The following SLCO3A1 variants were observed in gnomAD, a reference collection of about 807,000 sequenced individuals.
SLCO3A1 encodes the protein PGE1 transporter.
SLCO3A1 carries 27 observed loss-of-function variants against 63.1 expected under a neutral mutation model. The observed-to-expected ratio is 0.43, with a 90% CI of 0.32 to 0.59. The LOEUF (loss-of-function observed/expected upper bound fraction) is 0.59. SLCO3A1 is among the 20% of genes least tolerant of loss of function. SLCO3A1 has a pLI of 0.09. For missense variants in SLCO3A1, 773 were observed against 945.8 expected, an observed-to-expected ratio of 0.82 and a Z score of 2.40; for synonymous variants, 473 against 409.9, an observed-to-expected ratio of 1.15 and a Z score of -1.86.
rs1349108132 is a variant in SLCO3A1 at position 91,894,701 on chromosome 15, T to A, written c.181-21292T>A. Among the ~76,000 whole-genome samples, 3 of 152,320 alleles carry A rather than the reference T, an allele frequency of 2.0e-5. No homozygotes were observed. In the East Asian group the frequency reaches 5.8e-4, roughly 29 times the overall value. ...AATGTAGAATTTGACTCTGTGGGTC[T>A]GGGGCAGGGTCTGAGATTTTTGAAT... On this transcript the variant is annotated intron_variant, in intron 1 of 9. Coordinates refer to ENST00000318445, the MANE Select transcript of SLCO3A1 (RefSeq NM_013272.4). The surrounding 1 kb of genome is among the most constrained non-coding windows in gnomAD (Gnocchi z 4.8).
intron 2 of SLCO3A1, among the ~76,000 whole-genome samples, chr15:92,054,432 C>A (rs2151500288): frequency 6.6e-6 from 1 of 152,232 alleles, no homozygotes; most frequent in Non-Finnish European, 1.5e-5. Flanking sequence ...CACTGAAATG[C>A]TTTTTAAGTC....
At chr15:91,946,211 G>T (rs1466021781) in intron 2 of SLCO3A1, among the ~76,000 whole-genome samples, 1 of 152,156 alleles carries the variant, frequency 6.6e-6, no homozygotes, top group African/African-American at 2.4e-5. Context: ...GATAATTAGG[G>T]CAGCGTCTTC....
rs561995585 is a variant in SLCO3A1 at position 91,954,925 on chromosome 15, G to C, written c.646+38467G>C. On this transcript the variant is annotated intron_variant, in intron 2 of 9. Coordinates refer to ENST00000318445, the MANE Select transcript of SLCO3A1 (RefSeq NM_013272.4). The surrounding 1 kb of genome is among the most constrained non-coding windows in gnomAD (Gnocchi z 4.7). ...ATTCCTAGGAATTAGGCCCTTCTTG[G>C]CTCTGTGCCCTGAGCCATGTTCTCC... is the stretch of plus-strand genomic sequence containing the variant. Among the ~76,000 whole-genome samples, 2 of 152,078 alleles carry C rather than the reference G, an allele frequency of 1.3e-5. No homozygotes were observed. The highest frequency in any genetic ancestry group is 2.9e-5 in the Non-Finnish European group (2 of 68,008).
chr15:92,015,321 A>G lies in SLCO3A1; in HGVS notation c.647-79560A>G, dbSNP rs543347808. Among the ~76,000 whole-genome samples the G allele has an allele frequency of 5.8e-4, 88 of 152,258 alleles. 2 individuals carry two copies. Among genetic ancestry groups the G allele is most frequent in the Admixed American group, 5.7e-3 (87 of 15,298 alleles). On this transcript the variant is annotated intron_variant, in intron 2 of 9. Transcript: ENST00000318445. ...AGAGGTTTAATTGACTCACAGTTCC[A>G]CATGGCTGGGGAGGCTTCAGGAAAC...
intron 2 of SLCO3A1, among the ~76,000 whole-genome samples, chr15:92,043,153 C>G (rs1422577657): frequency 7.4e-6 from 1 of 134,636 alleles, no homozygotes; most frequent in Non-Finnish European, 1.5e-5. Context: ...GCTTTCCATG[C>G]TTGCCAGTTG....
chr15:91,877,787 G>A (rs1323840286), intron 1 of SLCO3A1, among the ~76,000 whole-genome samples: 11 of 152,128 alleles, frequency 7.2e-5, no homozygotes, highest in African/African-American at 1.4e-4. Context: ...AGAAGGAGGC[G>A]TTTTAGGAAG....
At chr15:92,147,331 A>G (rs1213549633) in intron 8 of SLCO3A1, among the ~76,000 whole-genome samples, 172 bp downstream of exon 8, 2 of 151,532 alleles carry the variant, frequency 1.3e-5, no homozygotes, top group Non-Finnish European at 1.5e-5. Context: ...TTTGATAGGG[A>G]CCTCCCACCA....
Position 91,853,789 on chromosome 15 carries a change from A to G in SLCO3A1, c.-120A>G, listed in dbSNP as rs2141825045. 1 of 979,416 alleles carries G rather than the reference A, an allele frequency of 1.0e-6. No homozygotes were observed. The highest frequency in any genetic ancestry group is 1.2e-6 in the Non-Finnish European group (1 of 806,378). 60.7% of individuals were successfully genotyped at this position (979,416 alleles called of 1,614,324 possible). ...CGGCAGGACGGGGGCGGCCGCCGCG[A>G]ACCCGGGGCGGGGACAGCACGCAGC... On this transcript the variant is annotated 5_prime_UTR_variant, in exon 1 of 10. Transcript: ENST00000318445.
intron 2 of SLCO3A1, among the ~76,000 whole-genome samples, chr15:91,957,108 A>AT (rs1555417709): frequency 1.8e-4 from 1 of 5,500 alleles, no homozygotes; most frequent in African/African-American, 2.8e-3. Context: ...TATAATATAT[A>AT]TATATATAAT....
intron 2 of SLCO3A1, among the ~76,000 whole-genome samples, chr15:91,936,115 G>T (rs997759526): frequency 2.0e-5 from 3 of 152,154 alleles, no homozygotes; most frequent in African/African-American, 7.2e-5. Flanking sequence ...GATACAACGG[G>T]AATGATAATA....
intron 2 of SLCO3A1, among the ~76,000 whole-genome samples, chr15:92,030,436 T>C (rs1385745667): frequency 2.0e-5 from 3 of 152,204 alleles, no homozygotes; most frequent in Non-Finnish European, 4.4e-5. Context: ...TGTATGATTA[T>C]ATTTCGTGCT....
intron 2 of SLCO3A1, among the ~76,000 whole-genome samples, chr15:91,993,983 C>T (rs1360314339): frequency 6.6e-6 from 1 of 152,192 alleles, no homozygotes; most frequent in African/African-American, 2.4e-5. Context: ...GCAGGTCTTC[C>T]AGCCCCAGGC....
chr15:92,045,266 C>G (rs1438131120), intron 2 of SLCO3A1, among the ~76,000 whole-genome samples: 1 of 112,246 alleles, frequency 8.9e-6, no homozygotes, highest in South Asian at 3.0e-4. Flanking sequence ...GGTGACAGAG[C>G]AAGACTCCAT....
chr15:91,970,504 G>A (rs904531865), intron 2 of SLCO3A1, among the ~76,000 whole-genome samples: 2 of 152,224 alleles, frequency 1.3e-5, no homozygotes, highest in Non-Finnish European at 2.9e-5. Flanking sequence ...CTTGAGGTCT[G>A]TGAGCGTTTG....
chr15:91,858,481 T>G (rs1382409807), intron 1 of SLCO3A1, among the ~76,000 whole-genome samples: 2 of 152,310 alleles, frequency 1.3e-5, no homozygotes. Flanking sequence ...GTATTTATCT[T>G]TGTTTGTGAG....
At position 92,165,169 on chromosome 15, in the gene SLCO3A1, G is replaced by A. The variant is rs75350022; in HGVS notation, c.*2034G>A. 15 of 985,406 alleles carry A rather than the reference G, an allele frequency of 1.5e-5. No homozygotes were observed. Among genetic ancestry groups the A allele is most frequent in the East Asian group, 1.1e-4 (1 of 8,810 alleles). The allele number at this position is 985,406 out of a possible 1,614,324, so 61.0% of individuals were successfully genotyped here. A position where few individuals can be genotyped will look rare whatever the true frequency, so the allele number is the denominator to read the frequency against. ...GACCAACCAAAAGAAAAGCTGTGTCGTGGTATGGGGCCACCGTGATCAGCT... is the reference window on the plus strand; with the variant it reads ...GACCAACCAAAAGAAAAGCTGTGTCATGGTATGGGGCCACCGTGATCAGCT... On this transcript the variant is annotated 3_prime_UTR_variant, in exon 10 of 10. Coordinates refer to ENST00000318445, the MANE Select transcript of SLCO3A1 (RefSeq NM_013272.4).
chr15:92,046,420 C>T (rs908758151), intron 2 of SLCO3A1, among the ~76,000 whole-genome samples: 2 of 151,950 alleles, frequency 1.3e-5, no homozygotes, highest in East Asian at 1.9e-4. Flanking sequence ...ATCCCAGCTA[C>T]TTGGGAGGCT....
chr15:92,121,119 A>G (rs541847767), intron 5 of SLCO3A1, among the ~76,000 whole-genome samples: 1 of 152,318 alleles, frequency 6.6e-6, no homozygotes, highest in African/African-American at 2.4e-5. Flanking sequence ...ATGGCTTTAC[A>G]GTTCTTTAAA....
chr15:92,053,862 A>G (rs1355098087), intron 2 of SLCO3A1, among the ~76,000 whole-genome samples: 1 of 152,000 alleles, frequency 6.6e-6, no homozygotes, highest in Non-Finnish European at 1.5e-5. Flanking sequence ...AGGTTTCTCC[A>G]TTGGGAAGCT....
Sources: allele counts gnomAD v4.1 joint callset (sites outside exome capture counted in the v4.1 genomes callset), GRCh38; gene constraint gnomAD v4.1.1; non-coding constraint Gnocchi (gnomAD v3.1); transcripts MANE v1.5; gene names NCBI Gene and HGNC (gene_info 2026-07-23, HGNC 2026-07-21).